PCLO: variants seen among roughly 807,000 people sequenced by gnomAD.
PCLO encodes the protein protein piccolo.
In PCLO, 82 loss-of-function variants were observed where a neutral mutation model predicts 427.5. The ratio of observed to expected loss-of-function variants is 0.19; its 90% CI spans 0.16 to 0.23. PCLO has a LOEUF of 0.23. Among genes scored for constraint, PCLO ranks in the 10% least tolerant of loss-of-function variants. The probability of loss-of-function intolerance (pLI) is 1.00; values close to 1 mark genes in which losing one functional copy is unlikely to be tolerated. For missense variants in PCLO, 6,239 were observed against 6,115.9 expected (o/e 1.02, Z -0.67); for synonymous variants, 2,357 against 2,155.4 (o/e 1.09, Z -2.59).
At chr7:82,829,045 T>C (rs1792024834) in intron 16 of PCLO, among the ~76,000 whole-genome samples, 2 of 152,112 alleles carry the variant, frequency 1.3e-5, no homozygotes, top group African/African-American at 4.8e-5. Context: ...ATTCCTGGTC[T>C]CAAGTATTGC....
At chr7:82,762,197 G>A (rs1429528996) in intron 22 of PCLO, among the ~76,000 whole-genome samples, 1 of 152,032 alleles carries the variant, frequency 6.6e-6, no homozygotes, top group Non-Finnish European at 1.5e-5. Flanking sequence ...AGGTTCTGAA[G>A]TATAGAAGTA....
chr7:82,991,210 A>C (rs1290094608), intron 3 of PCLO, among the ~76,000 whole-genome samples: 9 of 152,048 alleles, frequency 5.9e-5, no homozygotes, highest in Admixed American at 5.9e-4. Flanking sequence ...TATAGTATCT[A>C]TCTGTCTATC....
chr7:83,149,666 C>T (rs1487379966), intron 2 of PCLO, among the ~76,000 whole-genome samples: 1 of 152,206 alleles, frequency 6.6e-6, no homozygotes, highest in South Asian at 2.1e-4. Context: ...TCCACAGATT[C>T]CAGCCTCTTG....
intron 22 of PCLO, among the ~76,000 whole-genome samples, chr7:82,786,146 A>C (rs907121959): frequency 6.6e-6 from 1 of 152,354 alleles, no homozygotes; most frequent in Non-Finnish European, 1.5e-5. Context: ...TAGAATGAAA[A>C]AAAGGAAAGA....
In PCLO at chr7:82,966,262, C is replaced by T; in HGVS notation, c.3526G>A (p.Val1176Ile). ...TTTTCCATTGATAGTGTTTCCTTTACTTTTTCCAGAATGACTTTTTCAGCT... is the reference window on the plus strand; with the variant it reads ...TTTTCCATTGATAGTGTTTCCTTTATTTTTTCCAGAATGACTTTTTCAGCT... ...TEAEKVILEK[V>I]KETLSMEKIP... The change falls in exon 4 of 25, where the codon GTA (valine) becomes ATA (isoleucine). Residue 1176 changes from valine to isoleucine, a missense_variant. Transcript: ENST00000333891. 6.2e-7 allele frequency: 1 copy of T among 1,609,788 alleles called. No homozygotes were observed. The highest frequency in any genetic ancestry group is 8.5e-7 in the Non-Finnish European group (1 of 1,178,528).
chr7:83,029,100 T>G (rs1048182477), intron 3 of PCLO, among the ~76,000 whole-genome samples: 1 of 151,102 alleles, frequency 6.6e-6, no homozygotes, highest in Non-Finnish European at 1.5e-5. Context: ...AAGAAAAAAT[T>G]GACAAATGGG....
intron 6 of PCLO, among the ~76,000 whole-genome samples, chr7:82,921,762 G>A (rs1794600453): frequency 2.0e-5 from 3 of 151,786 alleles, no homozygotes; most frequent in Non-Finnish European, 4.4e-5. Flanking sequence ...TAACTAAAGA[G>A]CTTCTGCACA....
At chr7:83,018,226 T>C (rs1236730517) in intron 3 of PCLO, among the ~76,000 whole-genome samples, 1 of 151,904 alleles carries the variant, frequency 6.6e-6, no homozygotes, top group East Asian at 1.9e-4. Context: ...GTTATTTTAA[T>C]GCCACAAAAA....
chr7:82,832,398 C>T (rs951329057), intron 16 of PCLO, among the ~76,000 whole-genome samples: 1 of 151,716 alleles, frequency 6.6e-6, no homozygotes, highest in Non-Finnish European at 1.5e-5. Context: ...ACTACAGACA[C>T]CCACCACCAT....
chr7:83,162,296 C>T (rs373217340), intron 1 of PCLO, 49 bp downstream of exon 1: 115 of 1,527,270 alleles, frequency 7.5e-5, no homozygotes, highest in Non-Finnish European at 9.7e-5. Flanking sequence ...CATATGTGCA[C>T]GGGAAGCTGT....
At chr7:82,791,642 C>G (rs1225396496) in intron 22 of PCLO, among the ~76,000 whole-genome samples, 1 of 152,136 alleles carries the variant, frequency 6.6e-6, no homozygotes, top group East Asian at 1.9e-4. Context: ...TCCTCAGAGT[C>G]TATTATCTCG....
intron 3 of PCLO, among the ~76,000 whole-genome samples, chr7:83,052,657 T>G (rs1019237837): frequency 6.6e-6 from 1 of 151,992 alleles, no homozygotes; most frequent in African/African-American, 2.4e-5. Flanking sequence ...TTATCTTTAC[T>G]CCTCTGCTTT....
chr7:82,880,306 A>C (rs2116049604), intron 9 of PCLO: 1 of 303,722 alleles, frequency 3.3e-6, no homozygotes, highest in South Asian at 2.8e-5. Context: ...TATGTGGCAC[A>C]TGAGTACACT....
At chr7:83,145,215 G>A (rs1791963414) in intron 2 of PCLO, among the ~76,000 whole-genome samples, 1 of 152,118 alleles carries the variant, frequency 6.6e-6, no homozygotes, top group Non-Finnish European at 1.5e-5. Context: ...AGAGTGGCCT[G>A]CTTAGAGTAG....
At position 82,908,964 on chromosome 7, in the gene PCLO, C is replaced by T. The variant is rs1213594887; in HGVS notation, c.13350G>A (p.Glu4450=). Residue 4450 remains glutamate, a synonymous_variant, in exon 8 of 25, where the codon GAG becomes GAA. Transcript: ENST00000333891. ...GACCATGTCCATTTTCCAAACGAGA[C>T]TCCCTGGGTTTATCAAACCAATCTG... The part of the protein sequence containing the change: ...EETDWFDKPR[E]SRLENGHGLD... 6.2e-7 allele frequency: 1 copy of T among 1,612,774 alleles called. No homozygotes were observed. The highest frequency in any genetic ancestry group is 1.3e-5 in the African/African-American group (1 of 74,816).
In PCLO at chr7:82,915,113, A is replaced by G. The variant is rs374282132; in HGVS notation, c.12873T>C (p.Pro4291=). ...CATAGACAGAGGAAGGTCTGGAGGA[A>G]GGTCTGGACCTGCTGCCACTACTGT... ...KPYSSGSRSR[P]SSRPSSVYGL... is the part of the protein sequence containing the mutation. Residue 4291 remains proline (P), a synonymous_variant, in exon 7 of 25, where the codon CCT becomes CCC. Coordinates refer to ENST00000333891, the MANE Select transcript of PCLO (RefSeq NM_033026.6). 1 of 1,592,788 alleles carries G rather than the reference A, an allele frequency of 6.3e-7. No individual in the cohort carries two copies. The highest frequency in any genetic ancestry group is 1.8e-5 in the Admixed American group (1 of 55,640).
chr7:83,035,064 G>A (rs1252166772), intron 3 of PCLO, among the ~76,000 whole-genome samples: 3 of 152,088 alleles, frequency 2.0e-5, no homozygotes, highest in African/African-American at 7.2e-5. Flanking sequence ...ATCCATTTGA[G>A]TGCTCTGGCA....
Position 82,955,413 on chromosome 7 carries a change from T to C in PCLO, c.5540A>G (p.Glu1847Gly). The change falls in exon 5 of 25, where the codon GAA becomes GGA. Residue 1847 changes from glutamate to glycine, a missense_variant. Physicochemically the swap from Glu to Gly is moderately conservative, Grantham distance 98 (BLOSUM62 -2). Around this residue, in one of 5 missense-constraint regions of PCLO, gnomAD observed 4,677 missense variants for 4,468.4 expected, o/e 1.05. Coordinates refer to ENST00000333891, the MANE Select transcript of PCLO (RefSeq NM_033026.6). ...AGAAGATCTATGGAGCTCCTCCATT[T>C]CTGCAGCCTGACGTAACTCTTCTGT... is the stretch of plus-strand genomic sequence containing the variant. ...SPTEELRQAA[E>G]MEELHRSSCS... is the part of the protein sequence containing the mutation. 29 of 1,613,908 alleles carry C rather than the reference T, an allele frequency of 1.8e-5. No individual in the cohort carries two copies. The highest frequency in any genetic ancestry group is 2.4e-5 in the Non-Finnish European group (28 of 1,179,832).
At chr7:82,839,143 G>T (rs1792303799) in intron 14 of PCLO, among the ~76,000 whole-genome samples, 1 of 151,942 alleles carries the variant, frequency 6.6e-6, no homozygotes, top group Admixed American at 6.6e-5. Context: ...GCTTAATTCT[G>T]TTTGATGTTA....
Sources: allele counts gnomAD v4.1 joint callset (sites outside exome capture counted in the v4.1 genomes callset), GRCh38; gene constraint gnomAD v4.1.1; regional missense constraint gnomAD v4.1.1; transcripts MANE v1.5; gene names NCBI Gene and HGNC (gene_info 2026-07-23, HGNC 2026-07-21).